Variants in NDUFS4 observed in about 807,000 individuals in gnomAD.
The protein encoded by NDUFS4 is NADH:ubiquinone oxidoreductase subunit S4.
NDUFS4 carries 28 observed loss-of-function variants against 24.3 expected under a neutral mutation model. The ratio of observed to expected loss-of-function variants is 1.15; its 90% confidence interval spans 0.85 to 1.58. The LOEUF is 1.58. Ranked by LOEUF, NDUFS4 falls within the 40% of genes most tolerant of loss-of-function variation. The pLI is 0.00. For synonymous variants in NDUFS4, 93 were observed against 69.7 expected (o/e 1.34, Z -1.67); for missense variants, 223 against 207.9 (o/e 1.07, Z -0.45).
intron 1 of NDUFS4, among the ~76,000 whole-genome samples, chr5:53,583,915 A>C (rs1309324528): frequency 1.3e-5 from 2 of 152,188 alleles, no homozygotes; most frequent in African/African-American, 4.8e-5. Flanking sequence ...ATAAGTACAA[A>C]ATGTGTGAAA....
intron 1 of NDUFS4, among the ~76,000 whole-genome samples, chr5:53,591,855 G>A (rs927678995): frequency 6.6e-6 from 1 of 152,082 alleles, no homozygotes; most frequent in Non-Finnish European, 1.5e-5. Flanking sequence ...TTTATCATCT[G>A]TATATCTTCT....
intron 1 of NDUFS4, among the ~76,000 whole-genome samples, chr5:53,599,800 T>G (rs771709679): frequency 1.3e-5 from 2 of 152,074 alleles, no homozygotes; most frequent in Non-Finnish European, 2.9e-5. Flanking sequence ...CATTTTTTCC[T>G]TTATGCTTTC....
intron 1 of NDUFS4, among the ~76,000 whole-genome samples, chr5:53,590,375 T>C (rs1749908561): frequency 6.6e-6 from 1 of 152,234 alleles, no homozygotes; most frequent in South Asian, 2.1e-4. Flanking sequence ...ATGTAGAACA[T>C]GTTGGATAAT....
chr5:53,598,329 T>C (rs984488122), intron 1 of NDUFS4, among the ~76,000 whole-genome samples: 5 of 152,216 alleles, frequency 3.3e-5, no homozygotes, highest in Non-Finnish European at 7.3e-5. Context: ...AACCCCAATG[T>C]TCATCAGTGG....
chr5:53,609,223 G>A (rs1180011022), intron 2 of NDUFS4, among the ~76,000 whole-genome samples: 17 of 152,066 alleles, frequency 1.1e-4, no homozygotes, highest in Admixed American at 1.1e-3. Context: ...GGTAGCTATA[G>A]CCTTATGAAA....
chr5:53,602,805 A>G lies in NDUFS4; in HGVS notation c.99-647A>G, dbSNP rs1750366898. ...TGACATTCAGTAGTATAAACAACAAAGTGTACATGAAACGTCCGTTAACGT... is the reference window on the plus strand; with the variant it reads ...TGACATTCAGTAGTATAAACAACAAGGTGTACATGAAACGTCCGTTAACGT... On this transcript the variant is annotated intron_variant, in intron 1 of 4. Coordinates refer to ENST00000296684, the MANE Select transcript of NDUFS4 (RefSeq NM_002495.4). Among the ~76,000 whole-genome samples, 7 of 152,206 alleles carry G rather than the reference A, an allele frequency of 4.6e-5. No individual in the cohort carries two copies. The South Asian group carries it at 1.0e-3, about 23-fold the overall frequency.
intron 1 of NDUFS4, among the ~76,000 whole-genome samples, chr5:53,566,155 AG>A (rs1321677638): frequency 6.6e-6 from 1 of 152,218 alleles, no homozygotes; most frequent in Non-Finnish European, 1.5e-5. Context: ...CCTGGGTGAC[AG>A]GGCAAGACTC....
At chr5:53,568,871 A>G (rs2112411101) in intron 1 of NDUFS4, among the ~76,000 whole-genome samples, 1 of 152,296 alleles carries the variant, frequency 6.6e-6, no homozygotes, top group Admixed American at 6.5e-5. Context: ...CTTTTGCAAT[A>G]TATTTTCTGT....
intron 1 of NDUFS4, among the ~76,000 whole-genome samples, chr5:53,575,859 A>T (rs1561336650): frequency 6.6e-6 from 1 of 152,122 alleles, no homozygotes; most frequent in Non-Finnish European, 1.5e-5. Flanking sequence ...TCAGATTCTT[A>T]ACCAGTTGAT....
At chr5:53,573,207 T>A (rs1749273747) in intron 1 of NDUFS4, among the ~76,000 whole-genome samples, 1 of 152,000 alleles carries the variant, frequency 6.6e-6, no homozygotes, top group South Asian at 2.1e-4. Context: ...ACTCCTGGGT[T>A]CAAGCAGTCC....
chr5:53,669,796 C>T (rs1248597896), intron 4 of NDUFS4, among the ~76,000 whole-genome samples: 1 of 152,066 alleles, frequency 6.6e-6, no homozygotes, highest in Non-Finnish European at 1.5e-5. Flanking sequence ...TTAATGTGCT[C>T]AGTAAATATT....
chr5:53,630,262 T>A (rs1278200538), intron 2 of NDUFS4, among the ~76,000 whole-genome samples: 1 of 152,230 alleles, frequency 6.6e-6, no homozygotes, highest in South Asian at 2.1e-4. Flanking sequence ...GTTAGTCTGA[T>A]GGGCTTCCCT....
intron 2 of NDUFS4, among the ~76,000 whole-genome samples, chr5:53,619,917 C>T (rs1244576069): frequency 1.3e-5 from 2 of 152,198 alleles, no homozygotes; most frequent in African/African-American, 2.4e-5. Context: ...CAACTATACG[C>T]AATGCTAGAA....
chr5:53,618,400 T>G (rs1387586640), intron 2 of NDUFS4, among the ~76,000 whole-genome samples: 2 of 152,194 alleles, frequency 1.3e-5, no homozygotes, highest in East Asian at 3.8e-4. Flanking sequence ...TTATTATTCT[T>G]AATCAGTTTT....
chr5:53,564,407 C>G (rs2112404383), intron 1 of NDUFS4, among the ~76,000 whole-genome samples: 1 of 152,286 alleles, frequency 6.6e-6, no homozygotes, highest in South Asian at 2.1e-4. Flanking sequence ...ACATCCAAGC[C>G]AAAGTTTGAG....
In NDUFS4 at chr5:53,658,628, T is replaced by C; in HGVS notation, c.424+4T>C. The C allele has an allele frequency of 6.2e-7, 1 of 1,603,126 alleles. No homozygotes were observed. The highest frequency in any genetic ancestry group is 8.5e-7 in the Non-Finnish European group (1 of 1,172,574). On this transcript the variant is annotated splice_donor_region_variant and intron_variant, in intron 4 of 4. Transcript: ENST00000296684. ...GTTTCCTTTGCAGAAAAAAATGGTA[T>C]GTTTGGTCTGTTTTTGACAAAGTCA... is the stretch of plus-strand genomic sequence containing the variant.
intron 3 of NDUFS4, among the ~76,000 whole-genome samples, chr5:53,646,645 G>A (rs1157514381): frequency 2.0e-5 from 3 of 151,996 alleles, no homozygotes; most frequent in Non-Finnish European, 4.4e-5. Flanking sequence ...AGATAAAAAT[G>A]ACTGAATTTC....
intron 1 of NDUFS4, among the ~76,000 whole-genome samples, chr5:53,596,740 A>T (rs1307776194): frequency 6.6e-6 from 1 of 152,190 alleles, no homozygotes; most frequent in Non-Finnish European, 1.5e-5. Flanking sequence ...ATACTTTATG[A>T]TATAAGGTGA....
intron 2 of NDUFS4, among the ~76,000 whole-genome samples, chr5:53,606,494 G>C (rs1356588762): frequency 6.6e-6 from 1 of 152,084 alleles, no homozygotes; most frequent in Non-Finnish European, 1.5e-5. Flanking sequence ...AGCCTCCCGA[G>C]TACCTAGGAT....
Sources: allele counts gnomAD v4.1 joint callset (sites outside exome capture counted in the v4.1 genomes callset), GRCh38; gene constraint gnomAD v4.1.1; transcripts MANE v1.5; gene names NCBI Gene and HGNC (gene_info 2026-07-23, HGNC 2026-07-21).